The following ATRNL1 variants were observed in gnomAD, a reference collection of about 807,000 sequenced individuals.
The protein encoded by ATRNL1 is attractin-like protein 1.
In ATRNL1, 95 loss-of-function variants were observed where a neutral mutation model predicts 182.7. That is an observed-to-expected ratio of 0.52 (90% CI 0.44 to 0.62). The LOEUF (loss-of-function observed/expected upper bound fraction) is 0.62, where lower values mean the gene tolerates loss of function less well. Ranked by LOEUF, ATRNL1 falls within the 20% of genes least tolerant of loss-of-function variation. ATRNL1 has a pLI of 0.00. For missense variants in ATRNL1, 1,471 were observed against 1,679.5 expected (o/e 0.88, Z 2.17); for synonymous variants, 576 against 568.3 (o/e 1.01, Z -0.19).
At chr10:115,331,613 A>G (rs782425158) in intron 18 of ATRNL1, among the ~76,000 whole-genome samples, 28 of 151,672 alleles carry the variant, frequency 1.8e-4, no homozygotes, top group Non-Finnish European at 4.0e-4. Context: ...ATCTTTTCCA[A>G]GCTAATCTTA....
chr10:115,452,261 A>T (rs1296382260), intron 21 of ATRNL1, among the ~76,000 whole-genome samples: 2 of 152,178 alleles, frequency 1.3e-5, no homozygotes, highest in Non-Finnish European at 1.5e-5. Flanking sequence ...AAAGTTTTTT[A>T]AAATCAATAT....
At chr10:115,640,570 G>A (rs2901055) in intron 26 of ATRNL1, among the ~76,000 whole-genome samples, 2,489 of 152,250 alleles carry the variant, frequency 0.016, 51 homozygotes, top group African/African-American at 0.05. Flanking sequence ...CCGCATAAAT[G>A]TGTTCTTTTG....
intron 9 of ATRNL1, among the ~76,000 whole-genome samples, chr10:115,237,201 A>G (rs887202317): frequency 5.9e-5 from 9 of 152,244 alleles, no homozygotes; most frequent in Admixed American, 3.3e-4. Context: ...TAAAGCTGCT[A>G]TAAACATCTG....
intron 1 of ATRNL1, among the ~76,000 whole-genome samples, chr10:115,102,398 AATGT>A (rs1338632986): frequency 2.6e-5 from 4 of 151,912 alleles, no homozygotes; most frequent in African/African-American, 9.7e-5. Flanking sequence ...TCACTTTATT[AATGT>A]ATGTATGTAC....
intron 26 of ATRNL1, among the ~76,000 whole-genome samples, chr10:115,586,297 G>C (rs1855498434): frequency 1.5e-5 from 1 of 64,894 alleles, no homozygotes; most frequent in African/African-American, 3.8e-5. Flanking sequence ...CTGAACGTTG[G>C]CCTGCCTTGC....
intron 26 of ATRNL1, chr10:115,597,603 A>C (rs782164236): frequency 5.3e-6 from 2 of 377,224 alleles, no homozygotes; most frequent in Non-Finnish European, 1.0e-5. Flanking sequence ...ACAGAGTCAC[A>C]CTCTTGTCAC....
chr10:115,146,399 T>C (rs1845972524), intron 5 of ATRNL1, among the ~76,000 whole-genome samples: 1 of 152,164 alleles, frequency 6.6e-6, no homozygotes, highest in African/African-American at 2.4e-5. Context: ...GTTATCCGCA[T>C]AGAATGTGTA....
intron 18 of ATRNL1, among the ~76,000 whole-genome samples, chr10:115,320,447 A>G (rs1854523776): frequency 6.6e-6 from 1 of 152,064 alleles, no homozygotes; most frequent in Non-Finnish European, 1.5e-5. Context: ...CTGCCTTGCT[A>G]GGTTGGGGAA....
intron 26 of ATRNL1, among the ~76,000 whole-genome samples, chr10:115,582,739 C>T (rs2133890815): frequency 1.3e-5 from 2 of 149,582 alleles, no homozygotes; most frequent in South Asian, 4.3e-4. Flanking sequence ...TGCAGAAGCT[C>T]TTGAGTTTAA....
At chr10:115,546,280 A>G (rs1452972243) in intron 25 of ATRNL1, among the ~76,000 whole-genome samples, 3 of 152,038 alleles carry the variant, frequency 2.0e-5, no homozygotes, top group Non-Finnish European at 4.4e-5. Context: ...TAAGAGTTAC[A>G]TTGGCCAGGT....
At chr10:115,656,980 C>T (rs1006797830) in intron 26 of ATRNL1, among the ~76,000 whole-genome samples, 2 of 152,134 alleles carry the variant, frequency 1.3e-5, no homozygotes, top group African/African-American at 2.4e-5. Context: ...TAGTTAGAAG[C>T]GATGATGTTA....
At chr10:115,834,077 C>T (rs1456092000) in intron 27 of ATRNL1, among the ~76,000 whole-genome samples, 6 of 152,182 alleles carry the variant, frequency 3.9e-5, no homozygotes, top group African/African-American at 1.4e-4. Flanking sequence ...GTCTTTCTAT[C>T]TACAGTTAAT....
At chr10:115,363,639 T>C (rs1367360829) in intron 19 of ATRNL1, among the ~76,000 whole-genome samples, 1 of 151,940 alleles carries the variant, frequency 6.6e-6, no homozygotes, top group Non-Finnish European at 1.5e-5. Flanking sequence ...TTCTAGGGTT[T>C]TTATGGTTTT....
intron 17 of ATRNL1, among the ~76,000 whole-genome samples, chr10:115,313,839 A>G (rs1291519612): frequency 3.9e-5 from 6 of 152,324 alleles, no homozygotes; most frequent in Admixed American, 3.3e-4. Context: ...ATAGTAAATA[A>G]TTGGAATGCC....
At chr10:115,408,621 T>C (rs1431915284) in intron 20 of ATRNL1, among the ~76,000 whole-genome samples, 1 of 152,184 alleles carries the variant, frequency 6.6e-6, no homozygotes, top group African/African-American at 2.4e-5. Context: ...GCTTTTGAAG[T>C]CTTATTCATA....
intron 26 of ATRNL1, among the ~76,000 whole-genome samples, chr10:115,590,498 TATACTA>T (rs1555011805): frequency 6.6e-6 from 1 of 152,108 alleles, no homozygotes; most frequent in Non-Finnish European, 1.5e-5. Context: ...ATGAAGAAAA[TATACTA>T]ATACTGTGGA....
chr10:115,335,211 T>C (rs1434803767), intron 19 of ATRNL1, among the ~76,000 whole-genome samples: 1 of 152,210 alleles, frequency 6.6e-6, no homozygotes, highest in Non-Finnish European at 1.5e-5. Context: ...AAATCCTTCA[T>C]TATCTCTAGA....
intron 8 of ATRNL1, among the ~76,000 whole-genome samples, chr10:115,174,119 C>A (rs1292305028): frequency 6.6e-6 from 1 of 151,736 alleles, no homozygotes; most frequent in Non-Finnish European, 1.5e-5. Context: ...GCCCTTTCAG[C>A]ATTTTTGTGG....
rs1949768600 is a variant in ATRNL1, at chr10:115,800,550, C to T, written c.3904-47327C>T. On this transcript the variant is annotated intron_variant, in intron 27 of 28. Transcript: ENST00000355044. Reference sequence around the variant, plus strand: ...ATTCCCCCGCAGGAAAGAGTTGCTTCTAGCCTGTCCTTTATCTCTGCACCT... The same window carrying T: ...ATTCCCCCGCAGGAAAGAGTTGCTTTTAGCCTGTCCTTTATCTCTGCACCT... 4.6e-5 allele frequency among the ~76,000 whole-genome samples: 7 copies of T among 152,090 alleles called. 1 individual carries two copies. The South Asian group carries it at 1.5e-3, about 32-fold the overall frequency.
Sources: allele counts gnomAD v4.1 joint callset (sites outside exome capture counted in the v4.1 genomes callset), GRCh38; gene constraint gnomAD v4.1.1; transcripts MANE v1.5; gene names NCBI Gene and HGNC (gene_info 2026-07-23, HGNC 2026-07-21).